MDGA2: variants seen among roughly 807,000 people sequenced by gnomAD.
MDGA2 encodes MAM domain-containing glycosylphosphatidylinositol anchor protein 2.
In MDGA2, 40 loss-of-function variants were observed where a neutral mutation model predicts 117.8. That is an observed-to-expected ratio of 0.34 (90% CI 0.26 to 0.44). The LOEUF is 0.44. Ranked by LOEUF, MDGA2 falls within the 20% of genes least tolerant of loss-of-function variation. MDGA2 has a pLI of 1.00. For missense variants in MDGA2, 1,123 were observed against 1,250.6 expected (o/e 0.90, Z 1.54); for synonymous variants, 452 against 439.0 (o/e 1.03, Z -0.37).
chr14:47,639,170 T>C (rs112853853), intron 1 of MDGA2, among the ~76,000 whole-genome samples: 4,144 of 152,306 alleles, frequency 0.027, 113 homozygotes, highest in African/African-American at 0.071. Flanking sequence ...CCACCTGATA[T>C]GCGTGAGTAT....
intron 12 of MDGA2, 72 bp downstream of exon 12, chr14:46,877,417 T>C: frequency 1.2e-6 from 1 of 855,880 alleles, no homozygotes. Context: ...AAACAATTTT[T>C]GTATATTTAT....
chr14:47,287,831 T>A (rs1462267448), intron 2 of MDGA2, among the ~76,000 whole-genome samples: 1 of 152,094 alleles, frequency 6.6e-6, no homozygotes, highest in African/African-American at 2.4e-5. Flanking sequence ...GAGCCCTTAA[T>A]CCAATCCACC....
chr14:47,053,601 G>GTA (rs373802720), intron 7 of MDGA2, among the ~76,000 whole-genome samples: 39 of 107,586 alleles, frequency 3.6e-4, no homozygotes, highest in Non-Finnish European at 5.7e-4. Flanking sequence ...GTGTGTATGT[G>GTA]TATATATATA....
intron 7 of MDGA2, among the ~76,000 whole-genome samples, chr14:47,036,103 A>G (rs1888838514): frequency 1.3e-5 from 2 of 151,850 alleles, no homozygotes; most frequent in South Asian, 4.2e-4. Flanking sequence ...CCCCGTCTCT[A>G]CTAAAAATAC....
chr14:47,364,287 T>C (rs1469829531), intron 1 of MDGA2, among the ~76,000 whole-genome samples: 1 of 152,198 alleles, frequency 6.6e-6, no homozygotes, highest in Non-Finnish European at 1.5e-5. Context: ...TATTTTGAGA[T>C]GGAGTCTCCC....
At chr14:47,320,332 C>T (rs922372775) in intron 1 of MDGA2, among the ~76,000 whole-genome samples, 1 of 151,970 alleles carries the variant, frequency 6.6e-6, no homozygotes, top group African/African-American at 2.4e-5. Context: ...CAGTGAGCTA[C>T]GATCGTGCCA....
At chr14:46,891,931 T>C (rs941312526) in intron 10 of MDGA2, among the ~76,000 whole-genome samples, 2 of 151,924 alleles carry the variant, frequency 1.3e-5, no homozygotes, top group African/African-American at 2.4e-5. Context: ...AAATGTGTTA[T>C]GTAGTAGAAG....
intron 2 of MDGA2, among the ~76,000 whole-genome samples, chr14:47,219,147 C>T (rs1008475988): frequency 2.0e-5 from 3 of 152,002 alleles, no homozygotes; most frequent in African/African-American, 4.8e-5. Context: ...TCTGTTCAAA[C>T]ACATATGCTG....
intron 2 of MDGA2, among the ~76,000 whole-genome samples, chr14:47,236,712 A>T (rs1594745161): frequency 6.6e-6 from 1 of 152,224 alleles, no homozygotes; most frequent in Non-Finnish European, 1.5e-5. Flanking sequence ...ATACATTAGC[A>T]AAGTATTAAA....
intron 1 of MDGA2, among the ~76,000 whole-genome samples, chr14:47,611,891 GCA>G (rs1896855042): frequency 6.6e-6 from 1 of 152,130 alleles, no homozygotes; most frequent in Non-Finnish European, 1.5e-5. Context: ...ATTATGGGGA[GCA>G]ACAGCAGAGT....
chr14:47,315,158 C>T (rs574492371), intron 1 of MDGA2, among the ~76,000 whole-genome samples: 1 of 152,216 alleles, frequency 6.6e-6, no homozygotes, highest in South Asian at 2.1e-4. Flanking sequence ...AGCTCTATCT[C>T]CCTGACTATA....
intron 1 of MDGA2, among the ~76,000 whole-genome samples, chr14:47,607,130 G>GA (rs946191163): frequency 1.2e-4 from 18 of 152,008 alleles, no homozygotes; most frequent in Non-Finnish European, 2.5e-4. Flanking sequence ...AATACCCAAG[G>GA]AAAAAAACCT....
intron 1 of MDGA2, among the ~76,000 whole-genome samples, chr14:47,370,793 CT>C: frequency 6.6e-6 from 1 of 151,614 alleles, no homozygotes; most frequent in East Asian, 1.9e-4. Flanking sequence ...TGTCCAATGA[CT>C]TTCAAACTTC....
chr14:47,354,263 C>T (rs1380622856), intron 1 of MDGA2, among the ~76,000 whole-genome samples: 1 of 152,164 alleles, frequency 6.6e-6, no homozygotes, highest in African/African-American at 2.4e-5. Flanking sequence ...ATTCTCACCT[C>T]TTCTATTCAA....
At chr14:47,452,030 T>C (rs1006504323) in intron 1 of MDGA2, among the ~76,000 whole-genome samples, 144 of 152,236 alleles carry the variant, frequency 9.5e-4, no homozygotes, top group African/African-American at 3.3e-3. Flanking sequence ...GGTGCACATT[T>C]TCAAGGGCAA....
intron 14 of MDGA2, among the ~76,000 whole-genome samples, chr14:46,859,514 G>A (rs1881421756): frequency 6.6e-6 from 1 of 152,014 alleles, no homozygotes; most frequent in Admixed American, 6.6e-5. Context: ...GACTGACTGG[G>A]ATCTTCACAT....
At chr14:47,002,341 T>C (rs1003866285) in intron 8 of MDGA2, among the ~76,000 whole-genome samples, 5 of 152,122 alleles carry the variant, frequency 3.3e-5, no homozygotes, top group Non-Finnish European at 7.4e-5. Flanking sequence ...ATTTCTTTTT[T>C]TAAGTTTAGA....
intron 1 of MDGA2, among the ~76,000 whole-genome samples, chr14:47,324,011 C>T (rs571560706): frequency 1.1e-4 from 17 of 151,494 alleles, no homozygotes; most frequent in African/African-American, 3.4e-4. Flanking sequence ...TTTGGGAGGC[C>T]GAGGCGTGAG....
At chr14:47,661,443 G>T (rs1897843826) in intron 1 of MDGA2, among the ~76,000 whole-genome samples, 1 of 152,012 alleles carries the variant, frequency 6.6e-6, no homozygotes, top group South Asian at 2.1e-4. Flanking sequence ...TTCAATTATA[G>T]GTGAAAAAAG....
Sources: allele counts gnomAD v4.1 joint callset (sites outside exome capture counted in the v4.1 genomes callset), GRCh38; gene constraint gnomAD v4.1.1; transcripts MANE v1.5; gene names NCBI Gene and HGNC (gene_info 2026-07-23, HGNC 2026-07-21).